SNTA1: variants seen among roughly 807,000 people sequenced by gnomAD.
The protein encoded by SNTA1 is syntrophin alpha 1.
A neutral mutation model predicts 47.1 loss-of-function variants in SNTA1; 31 were observed. The ratio of observed to expected loss-of-function variants is 0.66; its 90% CI spans 0.49 to 0.89. The LOEUF (loss-of-function observed/expected upper bound fraction) is 0.89. SNTA1 is among the 40% of genes least tolerant of loss of function. SNTA1 has a pLI of 0.00. For missense variants in SNTA1, 575 were observed against 693.0 expected (o/e 0.83, Z 1.91); for synonymous variants, 300 against 313.6 (o/e 0.96, Z 0.46).
rs551480191 is a variant in SNTA1 at position 33,409,919 on chromosome 20, C to A, written c.1237+216G>T. On this transcript the variant is annotated intron_variant, in intron 6 of 7. Transcript: ENST00000217381. ...GTGCTGCGATTACAGGCGTGAGCCA[C>A]CGCACCTGGCCAATTTTTGTATTAT... 9.2e-5 allele frequency among the ~76,000 whole-genome samples: 14 copies of A among 152,316 alleles called. 1 individual carries two copies. In the South Asian group the frequency reaches 2.9e-3, roughly 32 times the overall value.
intron 1 of SNTA1, among the ~76,000 whole-genome samples, chr20:33,442,502 C>T (rs1990602731): frequency 6.6e-6 from 1 of 152,160 alleles, no homozygotes; most frequent in Non-Finnish European, 1.5e-5. Context: ...CCGCTAACAG[C>T]AGTAATTAAC....
chr20:33,439,396 G>A (rs888139013), intron 1 of SNTA1, among the ~76,000 whole-genome samples: 12 of 152,174 alleles, frequency 7.9e-5, no homozygotes, highest in African/African-American at 2.7e-4. Flanking sequence ...GGAAGCTGAA[G>A]TAGGAGGATC....
chr20:33,412,990 C>G (rs548125146), intron 3 of SNTA1, among the ~76,000 whole-genome samples: 1 of 152,096 alleles, frequency 6.6e-6, no homozygotes, highest in African/African-American at 2.4e-5. Context: ...CATATACACA[C>G]GTGTTCATAT....
chr20:33,409,301 G>C lies in SNTA1; in HGVS notation c.1238-413C>G, dbSNP rs191841249. ...ATTGTTAACCTGAAATTCAAATGAG[G>C]CTGGGTGTCCTGTATTTATTTCCTC... On this transcript the variant is annotated intron_variant, in intron 6 of 7. Transcript: ENST00000217381. 6.1e-3 allele frequency among the ~76,000 whole-genome samples: 928 copies of C among 152,214 alleles called. 6 individuals carry two copies. The highest frequency in any genetic ancestry group is 0.014 in the Middle Eastern group (4 of 294).
In SNTA1 at chr20:33,408,390, G is replaced by A. The variant is rs369959880; in HGVS notation, c.*117C>T. ...CTCCCTCAGGGTTGGGGTTTCGGAG[G>A]CCCTTGTTCCTCTCCTCTCCCTTCC... On this transcript the variant is annotated 3_prime_UTR_variant, in exon 8 of 8. Coordinates refer to ENST00000217381, the MANE Select transcript of SNTA1 (RefSeq NM_003098.3). 1 of 771,736 alleles carries A rather than the reference G, an allele frequency of 1.3e-6. No individual in the cohort carries two copies. The highest frequency in any genetic ancestry group is 2.3e-6 in the Non-Finnish European group (1 of 435,556). 47.8% of individuals were successfully genotyped at this position (771,736 alleles called of 1,614,324 possible).
chr20:33,414,244 CCAAAAAAAAAAAAAAA>C (rs1989816863), intron 3 of SNTA1, among the ~76,000 whole-genome samples: 1 of 13,856 alleles, frequency 7.2e-5, no homozygotes, highest in Non-Finnish European at 1.6e-4. Flanking sequence ...GTCTCAAAAA[CCAAAAAAAAAAAAAAA>C]AAAAAAAAAA....
At position 33,438,892 on chromosome 20, in the gene SNTA1, C is replaced by T; in HGVS notation, c.445G>A (p.Asp149Asn). Residue 149 changes from aspartate to asparagine, a missense_variant, in exon 2 of 8, where the codon GAT becomes AAT. Transcript: ENST00000217381. The part of the protein sequence containing the change: ...NGEDLSSATH[D>N]EAVQVLKKTG... ...TTCTTGAGGACCTGCACCGCCTCAT[C>T]ATGGGTAGCAGAGGACAAGTCTTCC... 5 of 1,614,164 alleles carry T rather than the reference C, an allele frequency of 3.1e-6. No individual in the cohort carries two copies. Among genetic ancestry groups the T allele is most frequent in the Non-Finnish European group, 4.2e-6 (5 of 1,180,006 alleles).
At chr20:33,433,718 G>T (rs1162699669) in intron 2 of SNTA1, among the ~76,000 whole-genome samples, 2 of 152,170 alleles carry the variant, frequency 1.3e-5, no homozygotes, top group African/African-American at 4.8e-5. Flanking sequence ...CTGGCTTGAG[G>T]TCTGCACACA....
rs1555821217 is a variant in SNTA1 at position 33,436,981 on chromosome 20, A to AAAGC, written c.496+1856_496+1859dup. On this transcript the variant is annotated intron_variant, in intron 2 of 7. Transcript: ENST00000217381. The stretch of plus-strand genomic sequence containing the variant: ...TCCATCTCAAAAAAAAAAAAAAAAA[A>AAAGC]AAGCTAGGCGCAGGGGCTCACACCT... Among the ~76,000 whole-genome samples the AAAGC allele has an allele frequency of 2.2e-3, 313 of 140,014 alleles. 2 individuals are homozygous for AAAGC. The highest frequency in any genetic ancestry group is 0.013 in the Middle Eastern group (3 of 224). 91.9% of individuals were successfully genotyped at this position (140,014 alleles called of 152,430 possible).
intron 3 of SNTA1, among the ~76,000 whole-genome samples, chr20:33,415,155 A>G (rs1989843484): frequency 6.6e-6 from 1 of 151,794 alleles, no homozygotes; most frequent in Admixed American, 6.6e-5. Flanking sequence ...CAAATAACAT[A>G]TAAACAAACA....
At chr20:33,429,925 G>A (rs571235051) in intron 2 of SNTA1, among the ~76,000 whole-genome samples, 9 of 152,216 alleles carry the variant, frequency 5.9e-5, no homozygotes, top group African/African-American at 2.2e-4. Context: ...ACCATGCCTG[G>A]CTAATTTTTG....
chr20:33,409,981 G>C (rs1259270233), intron 6 of SNTA1, among the ~76,000 whole-genome samples, 154 bp downstream of exon 6: 2 of 152,124 alleles, frequency 1.3e-5, no homozygotes, highest in Admixed American at 1.3e-4. Flanking sequence ...TGCCAGACTG[G>C]TCTCAAACTT....
chr20:33,425,192 A>ACTT (rs567285512), intron 2 of SNTA1, among the ~76,000 whole-genome samples: 57 of 152,042 alleles, frequency 3.7e-4, no homozygotes, highest in Middle Eastern at 3.4e-3. Context: ...TGGGAGGATC[A>ACTT]CTTGAGCCAG....
intron 4 of SNTA1, 49 bp downstream of exon 4, chr20:33,412,526 C>A: frequency 6.2e-7 from 1 of 1,606,728 alleles, no homozygotes. Flanking sequence ...AGGGCCAGCT[C>A]CAAAGGAGCG....
chr20:33,408,281 G>A lies in SNTA1; in HGVS notation c.*226C>T. ...TCTCTCTGCAAAAGGCACTGGTGGA[G>A]GGGGGCAGCAGGAAGGCCACCCCAT... On this transcript the variant is annotated 3_prime_UTR_variant, in exon 8 of 8. Coordinates refer to ENST00000217381, the MANE Select transcript of SNTA1 (RefSeq NM_003098.3). 3.4e-6 allele frequency: 2 copies of A among 589,256 alleles called. No individual in the cohort carries two copies. Among genetic ancestry groups the A allele is most frequent in the Non-Finnish European group, 6.1e-6 (2 of 326,368 alleles). The allele number at this position is 589,256 out of a possible 1,614,324, so 36.5% of individuals were successfully genotyped here. A position where few individuals can be genotyped will look rare whatever the true frequency, so the allele number is the denominator to read the frequency against.
At chr20:33,436,451 T>C (rs1425281001) in intron 2 of SNTA1, among the ~76,000 whole-genome samples, 1 of 152,194 alleles carries the variant, frequency 6.6e-6, no homozygotes, top group Non-Finnish European at 1.5e-5. Context: ...ATCATTTATG[T>C]GGCATTCTAT....
intron 2 of SNTA1, among the ~76,000 whole-genome samples, chr20:33,423,670 G>C (rs1990089027): frequency 6.6e-6 from 1 of 152,246 alleles, no homozygotes; most frequent in Non-Finnish European, 1.5e-5. Flanking sequence ...ACATGGAAGA[G>C]AAACAGGGCA....
intron 1 of SNTA1, among the ~76,000 whole-genome samples, chr20:33,442,593 A>G (rs925975723): frequency 5.3e-5 from 8 of 152,154 alleles, no homozygotes; most frequent in African/African-American, 1.9e-4. Flanking sequence ...ACAGTTGAGG[A>G]AACAGATTCA....
chr20:33,437,116 A>T (rs1331954398), intron 2 of SNTA1, among the ~76,000 whole-genome samples: 1 of 151,938 alleles, frequency 6.6e-6, no homozygotes, highest in Non-Finnish European at 1.5e-5. Flanking sequence ...TAAAAAAATT[A>T]GCCGGGCATG....
Sources: allele counts gnomAD v4.1 joint callset (sites outside exome capture counted in the v4.1 genomes callset), GRCh38; gene constraint gnomAD v4.1.1; transcripts MANE v1.5; gene names NCBI Gene and HGNC (gene_info 2026-07-23, HGNC 2026-07-21).